Variants in GLB1L2 observed in about 807,000 individuals in gnomAD.
GLB1L2 encodes the protein beta-galactosidase-1-like protein 2.
A neutral mutation model predicts 84.1 loss-of-function variants in GLB1L2; 68 were observed. The ratio of observed to expected loss-of-function variants is 0.81; its 90% CI spans 0.67 to 0.99. The LOEUF (loss-of-function observed/expected upper bound fraction) is 0.99. Ranked by LOEUF, GLB1L2 falls within the 50% of genes least tolerant of loss-of-function variation. The pLI is 0.00. For synonymous variants in GLB1L2, 290 were observed against 318.0 expected (o/e 0.91, Z 0.94); for missense variants, 762 against 805.6 (o/e 0.95, Z 0.66).
intron 1 of GLB1L2, among the ~76,000 whole-genome samples, chr11:134,337,685 C>T (rs893732676): frequency 6.6e-6 from 1 of 152,166 alleles, no homozygotes; most frequent in Admixed American, 6.5e-5. Flanking sequence ...GAAGTCTGCA[C>T]TGAAGACACA....
At chr11:134,332,932 T>A (rs1450493041) in intron 1 of GLB1L2, among the ~76,000 whole-genome samples, 2 of 152,224 alleles carry the variant, frequency 1.3e-5, no homozygotes, top group South Asian at 2.1e-4. Context: ...GCACTTTCCA[T>A]ATTCAAAACC....
At position 134,370,947 on chromosome 11, in the gene GLB1L2, AGTCT is replaced by A. The variant is rs1943944316; in HGVS notation, c.1216-54_1216-51del. On this transcript the variant is annotated intron_variant, in intron 12 of 18. Coordinates refer to ENST00000535456, the MANE Select transcript of GLB1L2 (RefSeq NM_001370461.1). This position sits in a 1 kb window ranked among gnomAD's most constrained non-coding sequence, Gnocchi z 4.7. ...ACCCCATGTGCCAGCCCCCAGGCAG[AGTCT>A]GTCTGTGACCCCACTCCTCCTGAGC... is the stretch of plus-strand genomic sequence containing the variant. The A allele has an allele frequency of 1.9e-6, 3 of 1,591,510 alleles. No homozygotes were observed. In the East Asian group the frequency reaches 6.7e-5, roughly 36 times the overall value.
At chr11:134,364,558 G>A (rs7103469) in intron 8 of GLB1L2, 160 bp downstream of exon 8, 191,711 of 630,990 alleles carry the variant, frequency 0.3, 30,944 homozygotes, top group East Asian at 0.51. Flanking sequence ...TGCAAGGCCC[G>A]CTGCCCAGAA....
rs150932563 is a variant in GLB1L2 at position 134,364,470 on chromosome 11, C to T, written c.804+72C>T. ...TATGGGAATTCTGAATGCCTGTCAG[C>T]GTGCTCAGCTTCCCCAGCGCAGGGA... On this transcript the variant is annotated intron_variant, in intron 8 of 18. Transcript: ENST00000535456. 60 of 1,214,232 alleles carry T rather than the reference C, an allele frequency of 4.9e-5. No homozygotes were observed. In the African/African-American group the frequency reaches 5.7e-4, roughly 11 times the overall value. 75.2% of individuals were successfully genotyped at this position (1,214,232 alleles called of 1,614,324 possible).
In GLB1L2 at chr11:134,367,860, C is replaced by T. The variant is rs1046563878; in HGVS notation, c.889+519C>T. ...CCCATTCTAAACCACACTTTGTGGA[C>T]ACAGTCTCCCGGGTTGTTTCTGGTG... is the stretch of plus-strand genomic sequence containing the variant. On this transcript the variant is annotated intron_variant, in intron 9 of 18. Coordinates refer to ENST00000535456, the MANE Select transcript of GLB1L2 (RefSeq NM_001370461.1). 2.0e-5 allele frequency among the ~76,000 whole-genome samples: 3 copies of T among 152,244 alleles called. No homozygotes were observed. In the South Asian group the frequency reaches 6.2e-4, roughly 31 times the overall value.
At position 134,332,076 on chromosome 11, in the gene GLB1L2, CCTCCGG is replaced by C. The variant is rs2136250052; in HGVS notation, c.17_22del (p.Leu6_Arg7del). 2 of 1,583,026 alleles carry C rather than the reference CCTCCGG, an allele frequency of 1.3e-6. No homozygotes were observed. The highest frequency in any genetic ancestry group is 1.7e-6 in the Non-Finnish European group (2 of 1,166,564). On this transcript the variant is annotated inframe_deletion, in exon 1 of 19. Coordinates refer to ENST00000535456, the MANE Select transcript of GLB1L2 (RefSeq NM_001370461.1). ...GAGAACACGCGATGACCACGTGGAG[CCTCCGG>C]CGGAGGCCGGCCCGCACGCTGGGAC...
chr11:134,370,197 G>A lies in GLB1L2; in HGVS notation c.1109-96G>A, dbSNP rs1265392269. ...TGTTCCTCTTGGTGCTGGGACGCAG[G>A]AGCACATCGGGTCTGTGGATGGGAG... On this transcript the variant is annotated intron_variant, in intron 11 of 18. Transcript: ENST00000535456. The surrounding 1 kb of genome is among the most constrained non-coding windows in gnomAD (Gnocchi z 4.7). 1.0e-6 allele frequency: 1 copy of A among 1,002,452 alleles called. No homozygotes were observed. The highest frequency in any genetic ancestry group is 1.6e-5 in the African/African-American group (1 of 63,424). 62.1% of individuals were successfully genotyped at this position (1,002,452 alleles called of 1,614,324 possible). A position where few individuals can be genotyped will look rare whatever the true frequency, so the allele number is the denominator to read the frequency against.
intron 6 of GLB1L2, among the ~76,000 whole-genome samples, chr11:134,357,185 C>A (rs1279271328): frequency 6.6e-6 from 1 of 152,222 alleles, no homozygotes; most frequent in Non-Finnish European, 1.5e-5. Flanking sequence ...ACTCCACCTA[C>A]CTGAAGGCCG....
chr11:134,371,946 C>A, intron 15 of GLB1L2, 116 bp downstream of exon 15: 1 of 965,568 alleles, frequency 1.0e-6, no homozygotes, highest in Non-Finnish European at 1.6e-6. Context: ...GAGGTGGAGG[C>A]TGGGTTGTCC....
intron 8 of GLB1L2, among the ~76,000 whole-genome samples, chr11:134,366,141 G>A (rs1943865361): frequency 1.3e-5 from 2 of 152,164 alleles, no homozygotes; most frequent in South Asian, 2.1e-4. Flanking sequence ...ACCCACCTCC[G>A]CAGCTCTGGT....
intron 7 of GLB1L2, 109 bp downstream of exon 7, chr11:134,359,250 A>C: frequency 1.4e-6 from 1 of 722,728 alleles, no homozygotes; most frequent in South Asian, 1.9e-5. Flanking sequence ...GGTGCCTGTT[A>C]TTCTCCCGTG....
chr11:134,337,225 G>A (rs1048544439), intron 1 of GLB1L2, among the ~76,000 whole-genome samples: 8 of 152,228 alleles, frequency 5.3e-5, no homozygotes, highest in African/African-American at 1.9e-4. Flanking sequence ...AGGATGGCAA[G>A]AGTGCTGTGG....
intron 16 of GLB1L2, 109 bp from the exon 17 acceptor site, chr11:134,374,036 G>A (rs893367116): frequency 3.0e-5 from 25 of 842,850 alleles, no homozygotes; most frequent in Non-Finnish European, 4.8e-5. Flanking sequence ...TGGTTAAGAG[G>A]CGGGGGGCCT....
chr11:134,349,943 T>G (rs1943603575), intron 5 of GLB1L2, among the ~76,000 whole-genome samples: 1 of 152,188 alleles, frequency 6.6e-6, no homozygotes, highest in Admixed American at 6.5e-5. Context: ...CGAGGGCCTC[T>G]TGACTCTGCC....
chr11:134,360,025 GTTTA>G (rs1943760786), intron 7 of GLB1L2: 1 of 152,342 alleles, frequency 6.6e-6, no homozygotes, highest in Admixed American at 6.5e-5. Flanking sequence ...CTTCCAGGTA[GTTTA>G]TTTATGTCAT....
rs1055842453 is a variant in GLB1L2, at chr11:134,371,043, C to T, written c.1251C>T (p.Asn417=). ...IKSEKPINME[N]LPVNGGNGQS... is the part of the protein sequence containing the mutation. ...CTGAAAAGCCCATCAACATGGAGAA[C>T]CTGCCAGTCAATGGGGGAAATGGAC... Residue 417 remains asparagine (N), a synonymous_variant, in exon 13 of 19, where the codon AAC becomes AAT. Coordinates refer to ENST00000535456, the MANE Select transcript of GLB1L2 (RefSeq NM_001370461.1). 6.2e-7 allele frequency: 1 copy of T among 1,614,182 alleles called. No individual in the cohort carries two copies. The highest frequency in any genetic ancestry group is 1.7e-5 in the Admixed American group (1 of 60,026).
intron 1 of GLB1L2, among the ~76,000 whole-genome samples, chr11:134,335,528 C>T (rs138218373): frequency 6.6e-6 from 1 of 152,106 alleles, no homozygotes; most frequent in South Asian, 2.1e-4. Context: ...CTAGGAAGAT[C>T]GAGTTGGCTC....
intron 2 of GLB1L2, among the ~76,000 whole-genome samples, chr11:134,344,022 G>A (rs1052676688): frequency 2.0e-5 from 3 of 152,178 alleles, no homozygotes; most frequent in Non-Finnish European, 4.4e-5. Flanking sequence ...TGGAATTCCG[G>A]GGCTTCAGTA....
chr11:134,367,988 C>T (rs1216090100), intron 9 of GLB1L2, among the ~76,000 whole-genome samples: 1 of 152,202 alleles, frequency 6.6e-6, no homozygotes, highest in Non-Finnish European at 1.5e-5. Flanking sequence ...ACAGGGGCTC[C>T]TCGGCACCGT....
Sources: gnomAD v4.1 joint callset for allele counts (sites outside exome capture counted in the v4.1 genomes callset) on GRCh38, gnomAD v4.1.1 for gene constraint, Gnocchi (gnomAD v3.1) non-coding constraint, MANE v1.5 for transcripts, NCBI Gene and HGNC (gene_info 2026-07-23, HGNC 2026-07-21) for gene names.